The following PEBP4 variants were observed in gnomAD, a reference collection of about 807,000 sequenced individuals.
PEBP4 encodes the protein phosphatidylethanolamine-binding protein 4.
A neutral mutation model predicts 23.9 loss-of-function variants in PEBP4; 22 were observed. The observed-to-expected ratio is 0.92, with a 90% CI of 0.66 to 1.31. The LOEUF (loss-of-function observed/expected upper bound fraction) is 1.31, where lower values mean the gene tolerates loss of function less well. Among genes scored for constraint, PEBP4 ranks in the 40% most tolerant of loss-of-function variants. The probability of loss-of-function intolerance (pLI) is 0.00; values close to 1 mark genes in which losing one functional copy is unlikely to be tolerated. For missense variants in PEBP4, 324 were observed against 281.7 expected, an observed-to-expected ratio of 1.15 and a Z score of -1.07; for synonymous variants, 112 against 99.3, an observed-to-expected ratio of 1.13 and a Z score of -0.76.
At chr8:22,853,164 G>A (rs1179887219) in intron 3 of PEBP4, among the ~76,000 whole-genome samples, 2 of 152,196 alleles carry the variant, frequency 1.3e-5, no homozygotes, top group African/African-American at 4.8e-5. Context: ...GAGGCTTCAT[G>A]ACCAAGAATT....
intron 4 of PEBP4, among the ~76,000 whole-genome samples, chr8:22,779,877 A>G (rs535778199): frequency 6.6e-6 from 1 of 152,282 alleles, no homozygotes; most frequent in Admixed American, 6.5e-5. Flanking sequence ...AATGCTTTGG[A>G]GGGGACAACT....
At chr8:22,822,270 G>C (rs1197694675) in intron 3 of PEBP4, among the ~76,000 whole-genome samples, 2 of 152,006 alleles carry the variant, frequency 1.3e-5, no homozygotes, top group African/African-American at 4.8e-5. Flanking sequence ...AATTAAATCA[G>C]ATAATGAGAA....
At chr8:22,932,672 G>T (rs12115042), upstream of PEBP4, among the ~76,000 whole-genome samples, 169 of 149,644 alleles carry the variant, frequency 1.1e-3, 1 homozygote, top group African/African-American at 3.4e-3. Context: ...GAGAGAAGGA[G>T]ACCCTGTCTC....
At position 22,937,553 on chromosome 8, in the gene PEBP4, A is replaced by ATT. The variant is rs36062438; in HGVS notation, c.145-9835_145-9834dup. 5.7e-3 allele frequency among the ~76,000 whole-genome samples: 859 copies of ATT among 151,410 alleles called. 8 individuals carry two copies. Among genetic ancestry groups the ATT allele is most frequent in the African/African-American group, 0.018 (754 of 41,306 alleles). ...AATTGCAACTCCTATGAAAATGTCA[A>ATT]TTTTTTTTTACAGAAATAGAAAAAC... is the stretch of plus-strand genomic sequence containing the variant. On this transcript the variant is annotated intron_variant, in intron 1 of 1. Coordinates refer to the PEBP4 transcript ENST00000522278.
chr8:22,817,642 T>C lies in PEBP4; in HGVS notation c.352A>G (p.Ile118Val), dbSNP rs1388169641. The stretch of plus-strand genomic sequence containing the variant: ...GTGCCTCTTGGCCTGCTTACCTTGA[T>C]ATCTGTTACCAGCCAATGTCTCCAG... ...RFWRHWLVTD[I>V]KGADLKKGKI... The change falls in exon 4 of 7, where the codon ATC (isoleucine) becomes GTC (valine). Residue 118 changes from isoleucine (I) to valine (V), a missense_variant. By Grantham distance (29) the Ile-to-Val change is conservative. Coordinates refer to ENST00000256404, the MANE Select transcript of PEBP4 (RefSeq NM_144962.3). 1 of 1,613,832 alleles carries C rather than the reference T, an allele frequency of 6.2e-7. No individual in the cohort carries two copies. The highest frequency in any genetic ancestry group is 2.2e-5 in the East Asian group (1 of 44,896).
intron 4 of PEBP4, among the ~76,000 whole-genome samples, chr8:22,795,567 T>C (rs955025042): frequency 6.6e-6 from 1 of 152,208 alleles, no homozygotes; most frequent in African/African-American, 2.4e-5. Context: ...AAATATTCTT[T>C]ATGAGTTTTC....
intron 4 of PEBP4, among the ~76,000 whole-genome samples, chr8:22,806,849 G>C (rs1432889401): frequency 6.6e-6 from 1 of 152,238 alleles, no homozygotes; most frequent in Non-Finnish European, 1.5e-5. Flanking sequence ...GCTCAGCCAA[G>C]CTGTACTGTG....
rs184470170 is a variant in PEBP4, at chr8:22,874,012, C to T, written c.258+46172G>A. On this transcript the variant is annotated intron_variant, in intron 3 of 6. Coordinates refer to ENST00000256404, the MANE Select transcript of PEBP4 (RefSeq NM_144962.3). ...TTGCTAAGCAAATGGAGGTGAAAAG[C>T]CAAACCCAGCAAAAAATTCCAGGTC... 1.1e-3 allele frequency among the ~76,000 whole-genome samples: 166 copies of T among 152,244 alleles called. 1 individual carries two copies. Among genetic ancestry groups the T allele is most frequent in the African/African-American group, 3.9e-3 (162 of 41,528 alleles).
At chr8:22,807,404 G>A (rs1202389134) in intron 4 of PEBP4, among the ~76,000 whole-genome samples, 4 of 152,118 alleles carry the variant, frequency 2.6e-5, no homozygotes, top group Non-Finnish European at 5.9e-5. Flanking sequence ...GGGAATCACT[G>A]CAGTTCTTCA....
intron 3 of PEBP4, among the ~76,000 whole-genome samples, chr8:22,849,180 G>A (rs1232188010): frequency 6.6e-6 from 1 of 152,192 alleles, no homozygotes; most frequent in Non-Finnish European, 1.5e-5. Context: ...GATGACTTCA[G>A]TATTCTCCAT....
chr8:22,830,546 C>T (rs1807065362), intron 3 of PEBP4, among the ~76,000 whole-genome samples: 1 of 152,214 alleles, frequency 6.6e-6, no homozygotes, highest in African/African-American at 2.4e-5. Flanking sequence ...GATCCAGACC[C>T]TATGTCCAAT....
At chr8:22,811,950 G>A (rs1184055782) in intron 4 of PEBP4, among the ~76,000 whole-genome samples, 2 of 152,200 alleles carry the variant, frequency 1.3e-5, no homozygotes, top group Non-Finnish European at 2.9e-5. Flanking sequence ...GGCTGTAGGG[G>A]AGATAATTAC....
intron 4 of PEBP4, among the ~76,000 whole-genome samples, chr8:22,814,908 C>A (rs1806706463): frequency 6.6e-6 from 1 of 152,104 alleles, no homozygotes; most frequent in Admixed American, 6.5e-5. Context: ...GAGGGAACCA[C>A]AGAGATGATG....
chr8:22,749,802 A>ATTTTTTTTTT (rs754912133), intron 4 of PEBP4, among the ~76,000 whole-genome samples: 5 of 41,584 alleles, frequency 1.2e-4, no homozygotes, highest in Admixed American at 3.7e-4. Flanking sequence ...TCAGTTTGTC[A>ATTTTTTTTTT]TTCTTTTTTT....
chr8:22,868,308 G>A (rs567311104), intron 3 of PEBP4, among the ~76,000 whole-genome samples: 1 of 152,140 alleles, frequency 6.6e-6, no homozygotes, highest in Non-Finnish European at 1.5e-5. Context: ...TCTCTTCAGT[G>A]TGATTTTTGG....
intron 3 of PEBP4, among the ~76,000 whole-genome samples, chr8:22,903,013 G>C (rs569031813): frequency 5.0e-4 from 76 of 152,300 alleles, no homozygotes; most frequent in African/African-American, 1.8e-3. Flanking sequence ...AAATAGGAGG[G>C]CCTTGTAATA....
At chr8:22,808,937 A>T (rs1404983563) in intron 4 of PEBP4, among the ~76,000 whole-genome samples, 5 of 152,210 alleles carry the variant, frequency 3.3e-5, no homozygotes, top group African/African-American at 1.2e-4. Flanking sequence ...CTACCTGTCA[A>T]GTCTGATGCC....
intron 3 of PEBP4, among the ~76,000 whole-genome samples, chr8:22,837,758 A>T (rs1235523144): frequency 6.6e-6 from 1 of 152,196 alleles, no homozygotes; most frequent in Non-Finnish European, 1.5e-5. Flanking sequence ...CCCTTGGACC[A>T]GAGAAGCTGT....
At chr8:22,781,592 G>A (rs1031615808) in intron 4 of PEBP4, among the ~76,000 whole-genome samples, 4 of 152,076 alleles carry the variant, frequency 2.6e-5, no homozygotes, top group East Asian at 1.9e-4. Context: ...AGGCCTGGGC[G>A]GGGGTAGGAG....
Sources: allele counts gnomAD v4.1 joint callset (sites outside exome capture counted in the v4.1 genomes callset), GRCh38; gene constraint gnomAD v4.1.1; transcripts MANE v1.5; gene names NCBI Gene and HGNC (gene_info 2026-07-23, HGNC 2026-07-21).